LPCAT4: variants seen among roughly 807,000 people sequenced by gnomAD.
LPCAT4 encodes the protein lysophospholipid acyltransferase LPCAT4.
LPCAT4 carries 30 observed loss-of-function variants against 66.5 expected under a neutral mutation model. The observed-to-expected ratio is 0.45, with a 90% CI of 0.34 to 0.61. LPCAT4 has a LOEUF of 0.61. LPCAT4 is among the 20% of genes least tolerant of loss of function. The pLI, the probability that LPCAT4 is intolerant of heterozygous loss-of-function variation, is 0.01. For missense variants in LPCAT4, 557 were observed against 656.7 expected (o/e 0.85, Z 1.66); for synonymous variants, 253 against 262.1 (o/e 0.97, Z 0.34).
In LPCAT4 at chr15:34,367,067, G is replaced by A; in HGVS notation, c.34C>T (p.Leu12=). The A allele has an allele frequency of 1.3e-6, 2 of 1,555,862 alleles. No homozygotes were observed. The highest frequency in any genetic ancestry group is 2.4e-5 in the South Asian group (2 of 84,750). The change falls in exon 1 of 14, where the codon CTA becomes TTA. Residue 12 remains leucine, a synonymous_variant. Transcript: ENST00000314891. The part of the protein sequence containing the change: ...SQGSPGDWAP[L]DPTPGPPASP... ...GCTGGGGGTCCGGGGGTGGGATCTA[G>A]GGGGGCCCAGTCCCCCGGACTTCCC...
In LPCAT4 at chr15:34,360,012, G is replaced by GTATC. The variant is rs1471320776; in HGVS notation, c.1242+95_1242+98dup. On this transcript the variant is annotated intron_variant, in intron 12 of 13. Coordinates refer to ENST00000314891, the MANE Select transcript of LPCAT4 (RefSeq NM_153613.3). ...CACTAGGTTGGATACCAAATGCCTAGTATCTAGAAGCTACTGGAAACAGCA... is the reference window on the plus strand; with the variant it reads ...CACTAGGTTGGATACCAAATGCCTAGTATCTATCTAGAAGCTACTGGAAACAGCA... 6 of 1,025,826 alleles carry GTATC rather than the reference G, an allele frequency of 5.8e-6. No individual in the cohort carries two copies. The East Asian group carries it at 1.4e-4, about 24-fold the overall frequency. The allele number at this position is 1,025,826 out of a possible 1,614,324, so 63.5% of individuals were successfully genotyped here. A position where few individuals can be genotyped will look rare whatever the true frequency, so the allele number is the denominator to read the frequency against.
chr15:34,359,900 T>C (rs751564070), intron 12 of LPCAT4, 155 bp from the exon 13 acceptor site: 7 of 856,562 alleles, frequency 8.2e-6, no homozygotes, highest in Non-Finnish European at 1.1e-5. Flanking sequence ...CTGTAGACTT[T>C]ATAGCTTTTT....
intron 11 of LPCAT4, 85 bp downstream of exon 11, chr15:34,361,315 G>A (rs1049712767): frequency 1.9e-6 from 3 of 1,576,576 alleles, no homozygotes; most frequent in Non-Finnish European, 2.6e-6. Context: ...ACTCCAAACT[G>A]TGAGTGACTG....
chr15:34,365,413 C>G (rs1396229006), intron 2 of LPCAT4, 146 bp downstream of exon 2: 1 of 1,261,126 alleles, frequency 7.9e-7, no homozygotes, highest in Non-Finnish European at 1.1e-6. Context: ...GGTCTGGGAA[C>G]CACGTCTGAG....
intron 13 of LPCAT4, 89 bp from the exon 14 acceptor site, chr15:34,359,391 T>G (rs1187714615): frequency 7.3e-7 from 1 of 1,362,094 alleles, no homozygotes; most frequent in East Asian, 2.5e-5. Flanking sequence ...AAACACCTTG[T>G]GCCTCTACTC....
rs974775330 is a variant in LPCAT4, at chr15:34,365,699, G to A, written c.117C>T (p.Phe39=). 4 of 1,613,672 alleles carry A rather than the reference G, an allele frequency of 2.5e-6. No homozygotes were observed. Among genetic ancestry groups the A allele is most frequent in the Non-Finnish European group, 3.4e-6 (4 of 1,179,920 alleles). ...GGGCCAGCAATGCCCCCAGGAGGCA[G>A]AACTGCAAAGGGTGGGAGAGAATGC... ...LHLSRLQRVK[F]CLLGALLAPI... Residue 39 remains phenylalanine, a splice_region_variant and synonymous_variant, in exon 2 of 14, where the codon TTC becomes TTT. Coordinates refer to ENST00000314891, the MANE Select transcript of LPCAT4 (RefSeq NM_153613.3).
chr15:34,365,898 T>C lies in LPCAT4; in HGVS notation c.115-197A>G. The C allele has an allele frequency of 8.3e-6, 5 of 600,496 alleles. No individual in the cohort carries two copies. The South Asian group carries it at 9.0e-5, about 11-fold the overall frequency. 37.2% of individuals were successfully genotyped at this position (600,496 alleles called of 1,614,324 possible). On this transcript the variant is annotated intron_variant, in intron 1 of 13. Coordinates refer to ENST00000314891, the MANE Select transcript of LPCAT4 (RefSeq NM_153613.3). ...TGAGGGCAAGAGGATAAAAGATTAA[T>C]GGCATCAAGGGCCTTATTTTCCTGT...
intron 1 of LPCAT4, among the ~76,000 whole-genome samples, chr15:34,366,337 C>T (rs1211967518): frequency 6.6e-6 from 1 of 152,158 alleles, no homozygotes; most frequent in Non-Finnish European, 1.5e-5. Context: ...CAAACCTAGC[C>T]CCTGGAGCCT....
chr15:34,360,053 C>T lies in LPCAT4; in HGVS notation c.1242+58G>A, dbSNP rs544961918. Reference sequence around the variant, plus strand: ...GGAAACAGCATACCAAAATAGGCCTCCTGGAGCGGGGTGAGCATAGCCACT... The same window carrying T: ...GGAAACAGCATACCAAAATAGGCCTTCTGGAGCGGGGTGAGCATAGCCACT... On this transcript the variant is annotated intron_variant, in intron 12 of 13. Coordinates refer to ENST00000314891, the MANE Select transcript of LPCAT4 (RefSeq NM_153613.3). 7.8e-6 allele frequency: 11 copies of T among 1,409,844 alleles called. No homozygotes were observed. The East Asian group carries it at 2.1e-4, about 26-fold the overall frequency. 87.3% of individuals were successfully genotyped at this position (1,409,844 alleles called of 1,614,324 possible).
chr15:34,365,803 C>T, intron 1 of LPCAT4, 102 bp from the exon 2 acceptor site: 1 of 1,381,242 alleles, frequency 7.2e-7, no homozygotes, highest in Non-Finnish European at 9.9e-7. Context: ...CAGCCATCAT[C>T]CCTTGCATGT....
rs149832654 is a variant in LPCAT4, at chr15:34,365,099, G to A, written c.387C>T (p.His129=). Residue 129 remains histidine (H), a synonymous_variant, in exon 3 of 14, where the codon CAC becomes CAT. Transcript: ENST00000314891. ...GAACAATGGGGTCAAAGAAAGTGGA[G>A]TGTGGGGCAGCAACAAGGACAGGGG... ...LQAPVLVAAP[H]STFFDPIVLL... is the part of the protein sequence containing the mutation. 1.0e-4 allele frequency: 162 copies of A among 1,614,118 alleles called. 1 individual carries two copies. The Middle Eastern group carries it at 1.2e-3, about 11-fold the overall frequency.
chr15:34,363,281 G>A lies in LPCAT4; in HGVS notation c.746+141C>T. On this transcript the variant is annotated intron_variant, in intron 7 of 13. Transcript: ENST00000314891. The surrounding 1 kb of genome is among the most constrained non-coding windows in gnomAD (Gnocchi z 4.3). ...CCAGATTATATGGGGACATCAGGGGGAAAGTGGTGTCTCCTCTAGAGTTCT... is the reference window on the plus strand; with the variant it reads ...CCAGATTATATGGGGACATCAGGGGAAAAGTGGTGTCTCCTCTAGAGTTCT... The A allele has an allele frequency of 1.2e-6, 1 of 867,098 alleles. No individual in the cohort carries two copies. Among genetic ancestry groups the A allele is most frequent in the Non-Finnish European group, 1.8e-6 (1 of 541,066 alleles). The allele number at this position is 867,098 out of a possible 1,614,324, so 53.7% of individuals were successfully genotyped here.
At chr15:34,362,718 C>T (rs1890976435) in intron 8 of LPCAT4, 63 bp from the exon 9 acceptor site, 1 of 1,611,892 alleles carries the variant, frequency 6.2e-7, no homozygotes, top group Non-Finnish European at 8.5e-7. Flanking sequence ...CACTCCCACC[C>T]TCTTTTCCCA....
Position 34,363,342 on chromosome 15 carries a change from T to G in LPCAT4, c.746+80A>C. 1 of 1,475,296 alleles carries G rather than the reference T, an allele frequency of 6.8e-7. No homozygotes were observed. The allele number at this position is 1,475,296 out of a possible 1,614,324, so 91.4% of individuals were successfully genotyped here. On this transcript the variant is annotated intron_variant, in intron 7 of 13. Transcript: ENST00000314891. This position sits in a 1 kb window ranked among gnomAD's most constrained non-coding sequence, Gnocchi z 4.3. ...AGATGAAGAAGGGCCATTCACCTTG[T>G]CGGGAGATTGGAAGATGGGCCAGGA...
rs200440948 is a variant in LPCAT4, at chr15:34,365,669, G to T, written c.147C>A (p.Ile49=). The T allele has an allele frequency of 1.2e-6, 2 of 1,614,048 alleles. No homozygotes were observed. Among genetic ancestry groups the T allele is most frequent in the Non-Finnish European group, 1.7e-6 (2 of 1,180,004 alleles). The part of the protein sequence containing the change: ...FCLLGALLAP[I]RVLLAFIVLF... ...GGACGATAAAGGCCAGAAGCACTCGGATGGGGGCCAGCAATGCCCCCAGGA... is the reference window on the plus strand; with the variant it reads ...GGACGATAAAGGCCAGAAGCACTCGTATGGGGGCCAGCAATGCCCCCAGGA... The change falls in exon 2 of 14, where the codon ATC becomes ATA. Residue 49 remains isoleucine (I), a synonymous_variant. Coordinates refer to ENST00000314891, the MANE Select transcript of LPCAT4 (RefSeq NM_153613.3).
chr15:34,364,436 T>C, intron 3 of LPCAT4, 130 bp from the exon 4 acceptor site: 1 of 624,202 alleles, frequency 1.6e-6, no homozygotes, highest in Non-Finnish European at 2.8e-6. Flanking sequence ...CTGTTGTTGT[T>C]GTTTGAGACA....
At position 34,358,958 on chromosome 15, in the gene LPCAT4, TAA is replaced by T. The variant is rs1890874396; in HGVS notation, c.*167_*168del. The T allele has an allele frequency of 5.2e-6, 2 of 382,702 alleles. No individual in the cohort carries two copies. 23.7% of individuals were successfully genotyped at this position (382,702 alleles called of 1,614,324 possible). ...ATAGATATAGATTTATATTTATATATAAAATAGTTTTTTACAAAAAAATCAAC... is the reference window on the plus strand; with the variant it reads ...ATAGATATAGATTTATATTTATATATAATAGTTTTTTACAAAAAAATCAAC... On this transcript the variant is annotated 3_prime_UTR_variant, in exon 14 of 14. Coordinates refer to ENST00000314891, the MANE Select transcript of LPCAT4 (RefSeq NM_153613.3).
chr15:34,360,398 A>C (rs982789087), intron 11 of LPCAT4, among the ~76,000 whole-genome samples, 189 bp from the exon 12 acceptor site: 1 of 152,226 alleles, frequency 6.6e-6, no homozygotes, highest in Non-Finnish European at 1.5e-5. Flanking sequence ...TTCTCAAGCT[A>C]TATCAGGTCA....
chr15:34,364,444 A>G, intron 3 of LPCAT4, 138 bp from the exon 4 acceptor site: 2 of 605,492 alleles, frequency 3.3e-6, no homozygotes, highest in East Asian at 5.7e-5. Context: ...GTTGTTTGAG[A>G]CAGAGTTTCG....
Sources: gnomAD v4.1 joint callset for allele counts (sites outside exome capture counted in the v4.1 genomes callset) on GRCh38, gnomAD v4.1.1 for gene constraint, Gnocchi (gnomAD v3.1) non-coding constraint, MANE v1.5 for transcripts, NCBI Gene and HGNC (gene_info 2026-07-23, HGNC 2026-07-21) for gene names.